The following CADM2 variants were observed in gnomAD, a reference collection of about 807,000 sequenced individuals.
CADM2 encodes cell adhesion molecule 2.
CADM2 carries 12 observed loss-of-function variants against 49.8 expected under a neutral mutation model. The observed-to-expected ratio is 0.24, with a 90% confidence interval of 0.15 to 0.39. The LOEUF is 0.39. CADM2 is among the 10% of genes least tolerant of loss of function. The probability of loss-of-function intolerance (pLI) is 1.00; values close to 1 mark genes in which losing one functional copy is unlikely to be tolerated. For missense variants in CADM2, 378 were observed against 492.3 expected (o/e 0.77, Z 2.20); for synonymous variants, 214 against 175.4 (o/e 1.22, Z -1.74).
intron 1 of CADM2, among the ~76,000 whole-genome samples, chr3:85,048,512 G>T (rs1486527898): frequency 6.6e-6 from 1 of 152,096 alleles, no homozygotes; most frequent in Non-Finnish European, 1.5e-5. Flanking sequence ...ATATCATAAG[G>T]AGAATTAAAC....
In CADM2 at chr3:85,358,395, AT is replaced by A. The variant is rs1316742708; in HGVS notation, c.62-368126del. ...TGTTATACATCATTTTCCAAAAAAAATATATATATATAGTTCAGAACCAGGG... is the reference window on the plus strand; with the variant it reads ...TGTTATACATCATTTTCCAAAAAAAAATATATATATAGTTCAGAACCAGGG... On this transcript the variant is annotated intron_variant, in intron 1 of 9. Coordinates refer to ENST00000383699, the MANE Select transcript of CADM2 (RefSeq NM_001167675.2). Among the ~76,000 whole-genome samples the A allele has an allele frequency of 2.5e-4, 37 of 150,818 alleles. 1 individual carries two copies. The highest frequency in any genetic ancestry group is 6.3e-4 in the South Asian group (3 of 4,792).
chr3:85,488,546 G>GTTTTT (rs1488411809), intron 1 of CADM2, among the ~76,000 whole-genome samples: 4 of 151,812 alleles, frequency 2.6e-5, no homozygotes, highest in Admixed American at 2.0e-4. Context: ...TTTTGTTTTT[G>GTTTTT]TTTTTAGAGG....
chr3:86,005,033 G>A (rs1393359649), intron 8 of CADM2, among the ~76,000 whole-genome samples: 6 of 152,098 alleles, frequency 3.9e-5, no homozygotes, highest in Non-Finnish European at 8.8e-5. Flanking sequence ...GAAAAAGCAA[G>A]AGTCATGTCT....
In CADM2 at chr3:85,579,458, A is replaced by C. The variant is rs1336967733; in HGVS notation, c.62-147064A>C. 2.0e-5 allele frequency among the ~76,000 whole-genome samples: 3 copies of C among 152,270 alleles called. No homozygotes were observed. The East Asian group carries it at 5.8e-4, about 29-fold the overall frequency. On this transcript the variant is annotated intron_variant, in intron 1 of 9. Coordinates refer to ENST00000383699, the MANE Select transcript of CADM2 (RefSeq NM_001167675.2). Reference sequence around the variant, plus strand: ...GGTCTTTGTGACCAGCAATTTCAACATGCACAAGGCTGCTATGCTGACTTG... The same window carrying C: ...GGTCTTTGTGACCAGCAATTTCAACCTGCACAAGGCTGCTATGCTGACTTG...
At chr3:86,028,601 AACCTGT>A (rs1485294416) in intron 8 of CADM2, among the ~76,000 whole-genome samples, 4 of 152,228 alleles carry the variant, frequency 2.6e-5, no homozygotes, top group African/African-American at 9.6e-5. Flanking sequence ...TGGATTTTAC[AACCTGT>A]ATATTTCACT....
At chr3:85,510,917 G>T (rs535020353) in intron 1 of CADM2, among the ~76,000 whole-genome samples, 1 of 152,118 alleles carries the variant, frequency 6.6e-6, no homozygotes, top group East Asian at 1.9e-4. Context: ...GGGTTCATAA[G>T]CTCTAGTTTC....
intron 7 of CADM2, among the ~76,000 whole-genome samples, chr3:85,953,882 G>T (rs996926883): frequency 2.0e-5 from 3 of 150,796 alleles, no homozygotes; most frequent in Admixed American, 1.3e-4. Flanking sequence ...TATAAGTGTA[G>T]AATAGGACAT....
intron 1 of CADM2, among the ~76,000 whole-genome samples, chr3:85,295,253 A>C (rs966837735): frequency 4.6e-5 from 7 of 152,010 alleles, no homozygotes; most frequent in African/African-American, 1.7e-4. Context: ...ACCATCTCAC[A>C]CCAGTTAGAA....
At chr3:85,226,626 C>A (rs2042169230) in intron 1 of CADM2, among the ~76,000 whole-genome samples, 1 of 151,900 alleles carries the variant, frequency 6.6e-6, no homozygotes, top group Admixed American at 6.6e-5. Context: ...TGTCTATCTC[C>A]TTCAGTTCTG....
At chr3:84,996,624 A>T (rs1290826718) in intron 1 of CADM2, among the ~76,000 whole-genome samples, 1 of 152,128 alleles carries the variant, frequency 6.6e-6, no homozygotes, top group Non-Finnish European at 1.5e-5. Flanking sequence ...GCTTTGTGTA[A>T]TTTATCCATG....
chr3:85,019,587 A>C (rs555646237), intron 1 of CADM2, among the ~76,000 whole-genome samples: 1 of 152,336 alleles, frequency 6.6e-6, no homozygotes, highest in African/African-American at 2.4e-5. Context: ...CATGCATGCC[A>C]CAGGCTTGAA....
At chr3:85,882,164 C>A (rs1211076077) in intron 3 of CADM2, among the ~76,000 whole-genome samples, 2 of 148,412 alleles carry the variant, frequency 1.3e-5, no homozygotes, top group African/African-American at 2.5e-5. Flanking sequence ...GCCCCCACCC[C>A]GCATATACCC....
At chr3:85,582,897 G>A (rs1172861181) in intron 1 of CADM2, among the ~76,000 whole-genome samples, 1 of 152,092 alleles carries the variant, frequency 6.6e-6, no homozygotes, top group Non-Finnish European at 1.5e-5. Context: ...CGGTTGGCAA[G>A]TCATTTACTT....
chr3:84,983,519 T>C (rs552621701), intron 1 of CADM2, among the ~76,000 whole-genome samples: 1 of 152,322 alleles, frequency 6.6e-6, no homozygotes, highest in Admixed American at 6.5e-5. Flanking sequence ...AAATAATACC[T>C]GCATATTGCA....
At chr3:85,935,647 A>C (rs1290761785) in intron 6 of CADM2, 120 bp from the exon 7 acceptor site, 4 of 436,634 alleles carry the variant, frequency 9.2e-6, no homozygotes, top group Non-Finnish European at 1.6e-5. Context: ...AATCCTTTAT[A>C]AATATACACA....
At chr3:85,616,043 G>A (rs1299973223) in intron 1 of CADM2, among the ~76,000 whole-genome samples, 2 of 151,940 alleles carry the variant, frequency 1.3e-5, no homozygotes, top group Non-Finnish European at 2.9e-5. Context: ...GAGCTGATGA[G>A]CAGAGTTGAC....
At chr3:85,622,866 T>A (rs1371677202) in intron 1 of CADM2, among the ~76,000 whole-genome samples, 4 of 151,724 alleles carry the variant, frequency 2.6e-5, no homozygotes, top group Non-Finnish European at 5.9e-5. Flanking sequence ...GTCTGCAAAT[T>A]TTTTTTGTTT....
chr3:85,359,664 A>ATTTTTTTTTTTTTT (rs1434535137), intron 1 of CADM2, among the ~76,000 whole-genome samples: 1 of 30,018 alleles, frequency 3.3e-5, no homozygotes, highest in Admixed American at 4.5e-4. Flanking sequence ...ATATATATAT[A>ATTTTTTTTTTTTTT]TATTTTTTTT....
chr3:85,908,709 A>G (rs1717146305), intron 5 of CADM2, among the ~76,000 whole-genome samples: 1 of 145,944 alleles, frequency 6.9e-6, no homozygotes, highest in South Asian at 2.2e-4. Context: ...TGTAATTATT[A>G]TAATAACTTA....
Sources: allele counts gnomAD v4.1 joint callset (sites outside exome capture counted in the v4.1 genomes callset), GRCh38; gene constraint gnomAD v4.1.1; transcripts MANE v1.5; gene names NCBI Gene and HGNC (gene_info 2026-07-23, HGNC 2026-07-21).